The following FAM171A1 variants were observed in gnomAD, a reference collection of about 807,000 sequenced individuals.
FAM171A1 encodes the protein protein FAM171A1.
Under a neutral mutation model 74.9 loss-of-function variants are expected in FAM171A1, and 23 were observed. The observed-to-expected ratio is 0.31, with a 90% CI of 0.22 to 0.44. The LOEUF is 0.44. FAM171A1 is among the 20% of genes least tolerant of loss of function. FAM171A1 has a pLI of 1.00. For synonymous variants in FAM171A1, 527 were observed against 505.7 expected (o/e 1.04, Z -0.57); for missense variants, 1,162 against 1,159.2 (o/e 1.00, Z -0.03).
chr10:15,289,161 T>C (rs1835074644), intron 1 of FAM171A1, among the ~76,000 whole-genome samples: 1 of 152,086 alleles, frequency 6.6e-6, no homozygotes, highest in Non-Finnish European at 1.5e-5. Flanking sequence ...GCATCATCGT[T>C]ATAGAATAAC....
Position 15,220,946 on chromosome 10 carries a change from G to C in FAM171A1, c.869C>G (p.Pro290Arg). 1 of 1,611,784 alleles carries C rather than the reference G, an allele frequency of 6.2e-7. No homozygotes were observed. The highest frequency in any genetic ancestry group is 8.5e-7 in the Non-Finnish European group (1 of 1,178,350). ...CGCAAGTGTTGGCTCCGTGTTACCTGGGATGGGAGGGGACATGGCGGCCAC... is the reference window on the plus strand; with the variant it reads ...CGCAAGTGTTGGCTCCGTGTTACCTCGGATGGGAGGGGACATGGCGGCCAC... ...YWVAAMSPPI[P>R]GPVVTQDITT... The change falls in exon 6 of 8, where the codon CCA (proline) becomes CGA (arginine). Residue 290 changes from proline to arginine, a missense_variant and splice_region_variant. Transcript: ENST00000378116.
At chr10:15,232,177 T>C (rs1675414139) in intron 5 of FAM171A1, among the ~76,000 whole-genome samples, 1 of 152,212 alleles carries the variant, frequency 6.6e-6, no homozygotes, top group Non-Finnish European at 1.5e-5. Context: ...GTGACCTGGC[T>C]GGTTCCAAGC....
At chr10:15,221,341 T>A (rs9423932) in intron 5 of FAM171A1, among the ~76,000 whole-genome samples, 1 of 152,094 alleles carries the variant, frequency 6.6e-6, no homozygotes, top group African/African-American at 2.4e-5. Flanking sequence ...CAAACACAGA[T>A]GATTTTAGCA....
Position 15,315,790 on chromosome 10 carries a change from G to C in FAM171A1, c.98-31685C>G, listed in dbSNP as rs371302477. Among the ~76,000 whole-genome samples, 38 of 152,242 alleles carry C rather than the reference G, an allele frequency of 2.5e-4. 1 individual carries two copies. Among genetic ancestry groups the C allele is most frequent in the African/African-American group, 8.7e-4 (36 of 41,550 alleles). Reference sequence around the variant, plus strand: ...AGAAGCTCTGATGTCCTTTTTATTGGAGACAAGGAGCGGCTGGAGAGGTGT... The same window carrying C: ...AGAAGCTCTGATGTCCTTTTTATTGCAGACAAGGAGCGGCTGGAGAGGTGT... On this transcript the variant is annotated intron_variant, in intron 1 of 7. Coordinates refer to ENST00000378116, the MANE Select transcript of FAM171A1 (RefSeq NM_001010924.2).
intron 5 of FAM171A1, among the ~76,000 whole-genome samples, chr10:15,235,151 A>T (rs1224387801): frequency 6.6e-6 from 1 of 151,976 alleles, no homozygotes; most frequent in African/African-American, 2.4e-5. Flanking sequence ...CTCTACTAAA[A>T]ATACAAAAAT....
intron 2 of FAM171A1, among the ~76,000 whole-genome samples, chr10:15,281,807 G>A (rs1588531578): frequency 6.6e-6 from 1 of 152,288 alleles, no homozygotes; most frequent in East Asian, 1.9e-4. Context: ...ATTGCAGTGA[G>A]CCAAGATCAC....
intron 3 of FAM171A1, among the ~76,000 whole-genome samples, chr10:15,257,531 C>T (rs567294308): frequency 6.6e-6 from 1 of 152,278 alleles, no homozygotes; most frequent in African/African-American, 2.4e-5. Flanking sequence ...ACATCTCTCT[C>T]CCCACTTGTG....
chr10:15,356,511 C>T (rs1451674781), intron 1 of FAM171A1, among the ~76,000 whole-genome samples: 2 of 152,124 alleles, frequency 1.3e-5, no homozygotes, highest in Non-Finnish European at 2.9e-5. Context: ...AAACTGTTTA[C>T]AGCAACTACA....
intron 3 of FAM171A1, among the ~76,000 whole-genome samples, chr10:15,257,501 C>T (rs1834595937): frequency 1.3e-5 from 2 of 152,126 alleles, no homozygotes; most frequent in African/African-American, 4.8e-5. Context: ...TCAAGTGTTA[C>T]ATGCATTTGG....
intron 1 of FAM171A1, among the ~76,000 whole-genome samples, chr10:15,324,673 C>T (rs968840843): frequency 6.6e-6 from 1 of 151,406 alleles, no homozygotes; most frequent in Non-Finnish European, 1.5e-5. Flanking sequence ...TTCCTACTGA[C>T]AATCTTAAAA....
chr10:15,303,236 TATTTTTATAATTTATA>T (rs1395094437), intron 1 of FAM171A1, among the ~76,000 whole-genome samples: 1 of 152,078 alleles, frequency 6.6e-6, no homozygotes, highest in Non-Finnish European at 1.5e-5. Flanking sequence ...ATTTATGAAA[TATTTTTATAATTTATA>T]GTTTTTATAA....
chr10:15,284,652 C>A (rs750991447), intron 1 of FAM171A1, among the ~76,000 whole-genome samples: 1 of 152,124 alleles, frequency 6.6e-6, no homozygotes, highest in Non-Finnish European at 1.5e-5. Context: ...GAGGCTCAAG[C>A]GATCTGCCCG....
chr10:15,351,442 G>C (rs1296998831), intron 1 of FAM171A1, among the ~76,000 whole-genome samples: 1 of 152,070 alleles, frequency 6.6e-6, no homozygotes, highest in Non-Finnish European at 1.5e-5. Flanking sequence ...TATCTCTCCT[G>C]AATACCTCTC....
intron 3 of FAM171A1, among the ~76,000 whole-genome samples, chr10:15,258,694 C>T (rs1448999352): frequency 2.6e-5 from 4 of 152,180 alleles, no homozygotes; most frequent in Admixed American, 6.5e-5. Context: ...CCTCCATCCT[C>T]GTCGACCTCT....
intron 1 of FAM171A1, among the ~76,000 whole-genome samples, chr10:15,354,179 T>C (rs1309710876): frequency 6.6e-6 from 1 of 152,026 alleles, no homozygotes. Flanking sequence ...ACCTCTGAAG[T>C]GGCTCCTGGA....
chr10:15,317,316 T>C (rs763618373), intron 1 of FAM171A1, among the ~76,000 whole-genome samples: 2 of 152,198 alleles, frequency 1.3e-5, no homozygotes, highest in Non-Finnish European at 2.9e-5. Flanking sequence ...CAGGGGTCAC[T>C]AACACGAAGC....
At chr10:15,355,600 C>T (rs1471568523) in intron 1 of FAM171A1, among the ~76,000 whole-genome samples, 1 of 152,002 alleles carries the variant, frequency 6.6e-6, no homozygotes, top group Non-Finnish European at 1.5e-5. Flanking sequence ...CACCTGTAGT[C>T]CCAGCTACTT....
At chr10:15,329,312 A>T (rs1835598358) in intron 1 of FAM171A1, among the ~76,000 whole-genome samples, 1 of 152,170 alleles carries the variant, frequency 6.6e-6, no homozygotes, top group African/African-American at 2.4e-5. Context: ...ACCAATTTCC[A>T]CTTGTGGTTC....
At chr10:15,325,367 G>C (rs907704034) in intron 1 of FAM171A1, among the ~76,000 whole-genome samples, 2 of 152,112 alleles carry the variant, frequency 1.3e-5, no homozygotes, top group Non-Finnish European at 2.9e-5. Context: ...AATTAGCCAG[G>C]TGTGGTAGCC....
Sources: gnomAD v4.1 joint callset for allele counts (sites outside exome capture counted in the v4.1 genomes callset) on GRCh38, gnomAD v4.1.1 for gene constraint, MANE v1.5 for transcripts, NCBI Gene and HGNC (gene_info 2026-07-23, HGNC 2026-07-21) for gene names.